COMMD10: variants seen among roughly 807,000 people sequenced by gnomAD.
COMMD10 encodes the protein COMM domain containing 10.
COMMD10 carries 33 observed loss-of-function variants against 28.9 expected under a neutral mutation model. The ratio of observed to expected loss-of-function variants is 1.14; its 90% CI spans 0.87 to 1.53. The LOEUF is 1.53. Among genes scored for constraint, COMMD10 ranks in the 40% most tolerant of loss-of-function variants. COMMD10 has a pLI of 0.00. For missense variants in COMMD10, 310 were observed against 233.4 expected, an observed-to-expected ratio of 1.33 and a Z score of -2.14; for synonymous variants, 110 against 81.7, an observed-to-expected ratio of 1.35 and a Z score of -1.87.
Position 116,215,956 on chromosome 5 carries a change from A to G in COMMD10, c.511-75561A>G, listed in dbSNP as rs1287938845. ...AATAATGTTTTTTGTCCTTCTTAAT[A>G]TAGAGGTCAAAATAGAAAAGCTATT... On this transcript the variant is annotated intron_variant, in intron 5 of 6. Transcript: ENST00000274458. Among the ~76,000 whole-genome samples, 3 of 151,970 alleles carry G rather than the reference A, an allele frequency of 2.0e-5. No individual in the cohort carries two copies. In the East Asian group the frequency reaches 5.8e-4, roughly 29 times the overall value.
rs1750392146 is a variant in COMMD10 at position 116,259,823 on chromosome 5, C to T, written c.511-31694C>T. ...TCTCTAATCTGGGACTCTCCATAGTCAGAAATTGCATTTGGGAGAATGTAC... is the reference window on the plus strand; with the variant it reads ...TCTCTAATCTGGGACTCTCCATAGTTAGAAATTGCATTTGGGAGAATGTAC... On this transcript the variant is annotated intron_variant, in intron 5 of 6. Coordinates refer to ENST00000274458, the MANE Select transcript of COMMD10 (RefSeq NM_016144.4). Among the ~76,000 whole-genome samples, 3 of 151,770 alleles carry T rather than the reference C, an allele frequency of 2.0e-5. No homozygotes were observed. In the South Asian group the frequency reaches 6.2e-4, roughly 31 times the overall value.
At chr5:116,246,598 G>A (rs544797303) in intron 5 of COMMD10, among the ~76,000 whole-genome samples, 1 of 152,130 alleles carries the variant, frequency 6.6e-6, no homozygotes, top group East Asian at 1.9e-4. Flanking sequence ...ATATTACAGG[G>A]CTACAATAAT....
chr5:116,254,953 C>G (rs985471656), intron 5 of COMMD10, among the ~76,000 whole-genome samples: 26 of 150,546 alleles, frequency 1.7e-4, no homozygotes, highest in African/African-American at 5.6e-4. Context: ...GTAGGTCACT[C>G]AGGACTTGCT....
chr5:116,145,029 T>A (rs548071793), intron 5 of COMMD10, among the ~76,000 whole-genome samples: 1 of 151,944 alleles, frequency 6.6e-6, no homozygotes, highest in South Asian at 2.1e-4. Context: ...ATTTCACTTG[T>A]CTTCATAGAG....
At chr5:116,269,992 T>A (rs1408950518) in intron 5 of COMMD10, among the ~76,000 whole-genome samples, 1 of 151,902 alleles carries the variant, frequency 6.6e-6, no homozygotes, top group East Asian at 1.9e-4. Context: ...CCATTTTTAT[T>A]GTTATTTTCT....
intron 5 of COMMD10, among the ~76,000 whole-genome samples, chr5:116,148,142 G>A (rs1752403110): frequency 6.6e-6 from 1 of 151,802 alleles, no homozygotes; most frequent in African/African-American, 2.4e-5. Context: ...AAGTGATCAA[G>A]AAGATTTTAG....
At chr5:116,149,959 A>C (rs1322764365) in intron 5 of COMMD10, among the ~76,000 whole-genome samples, 1 of 152,108 alleles carries the variant, frequency 6.6e-6, no homozygotes, top group Non-Finnish European at 1.5e-5. Flanking sequence ...GGTATTGCCT[A>C]GGTTTTCTTC....
intron 5 of COMMD10, among the ~76,000 whole-genome samples, chr5:116,268,262 C>A (rs911427014): frequency 6.6e-6 from 1 of 151,498 alleles, no homozygotes; most frequent in South Asian, 2.1e-4. Context: ...AGAAAAAAAT[C>A]AAACAACTCC....
intron 5 of COMMD10, among the ~76,000 whole-genome samples, chr5:116,143,901 T>C (rs1752266643): frequency 6.6e-6 from 1 of 151,848 alleles, no homozygotes; most frequent in South Asian, 2.1e-4. Context: ...ATACATATGT[T>C]AAGCCAGTAA....
At chr5:116,270,957 T>G (rs1470233815) in intron 5 of COMMD10, among the ~76,000 whole-genome samples, 3 of 150,156 alleles carry the variant, frequency 2.0e-5, no homozygotes, top group Non-Finnish European at 4.4e-5. Flanking sequence ...TAATAAAGAT[T>G]ATATATAAAT....
chr5:116,282,402 T>C (rs1751095038), intron 5 of COMMD10, among the ~76,000 whole-genome samples: 1 of 151,932 alleles, frequency 6.6e-6, no homozygotes, highest in Admixed American at 6.6e-5. Flanking sequence ...CCAGTTCTAA[T>C]TCATTTCCAA....
At chr5:116,110,726 T>A (rs2112736137) in intron 4 of COMMD10, among the ~76,000 whole-genome samples, 1 of 152,212 alleles carries the variant, frequency 6.6e-6, no homozygotes, top group Admixed American at 6.5e-5. Context: ...TGGGGAGGCC[T>A]TGAGAAACAA....
intron 5 of COMMD10, among the ~76,000 whole-genome samples, chr5:116,275,039 C>G (rs1037114275): frequency 6.6e-6 from 1 of 151,898 alleles, no homozygotes; most frequent in South Asian, 2.1e-4. Context: ...TTCCCAACCT[C>G]TATTTCATCC....
chr5:116,172,008 A>G lies in COMMD10; in HGVS notation c.510+37830A>G, dbSNP rs191209958. ...TCTGTCCGTTGTTTTGTGAATTATC[A>G]TATTTAAACTCAGTTTCTGGTGGTT... is the stretch of plus-strand genomic sequence containing the variant. On this transcript the variant is annotated intron_variant, in intron 5 of 6. Coordinates refer to ENST00000274458, the MANE Select transcript of COMMD10 (RefSeq NM_016144.4). Among the ~76,000 whole-genome samples the G allele has an allele frequency of 3.4e-4, 51 of 152,224 alleles. 1 individual carries two copies. Among genetic ancestry groups the G allele is most frequent in the East Asian group, 2.7e-3 (14 of 5,180 alleles).
chr5:116,231,920 T>A (rs914684731), intron 5 of COMMD10, among the ~76,000 whole-genome samples: 5 of 152,154 alleles, frequency 3.3e-5, no homozygotes, highest in Admixed American at 6.6e-5. Context: ...AAGAACAGTT[T>A]AAGGTATGTT....
At chr5:116,184,853 T>G (rs1216896471) in intron 5 of COMMD10, among the ~76,000 whole-genome samples, 1 of 152,108 alleles carries the variant, frequency 6.6e-6, no homozygotes, top group Non-Finnish European at 1.5e-5. Flanking sequence ...GGCAATGTAA[T>G]ATAATCGATT....
chr5:116,204,966 T>C (rs1026681043), intron 5 of COMMD10, among the ~76,000 whole-genome samples: 2 of 152,206 alleles, frequency 1.3e-5, no homozygotes, highest in East Asian at 3.9e-4. Flanking sequence ...CTTCTGTTTG[T>C]TTTTTGAATT....
At chr5:116,148,623 G>A (rs1196209110) in intron 5 of COMMD10, among the ~76,000 whole-genome samples, 1 of 151,660 alleles carries the variant, frequency 6.6e-6, no homozygotes, top group African/African-American at 2.4e-5. Context: ...GATCTTAAGT[G>A]GATTTGTCAA....
In COMMD10 at chr5:116,092,596, A is replaced by G. The variant is rs571057040; in HGVS notation, c.295A>G (p.Ile99Val). ...PAALQQQLEN[I>V]HLRQDKAEAF... The stretch of plus-strand genomic sequence containing the variant: ...AGCTTTGCAGCAGCAATTAGAGAAC[A>G]TTCATCTTAGACAAGACAAAGCTGA... The change falls in exon 4 of 7, where the codon ATT becomes GTT. Residue 99 changes from isoleucine (I) to valine (V), a missense_variant. Ile to Val is a conservative substitution (Grantham distance 29). Coordinates refer to ENST00000274458, the MANE Select transcript of COMMD10 (RefSeq NM_016144.4). 2 of 1,611,796 alleles carry G rather than the reference A, an allele frequency of 1.2e-6. No homozygotes were observed. The highest frequency in any genetic ancestry group is 1.1e-5 in the South Asian group (1 of 90,472).
Sources: gnomAD v4.1 joint callset for allele counts (sites outside exome capture counted in the v4.1 genomes callset) on GRCh38, gnomAD v4.1.1 for gene constraint, MANE v1.5 for transcripts, NCBI Gene and HGNC (gene_info 2026-07-23, HGNC 2026-07-21) for gene names.